Variants in CTBP2 observed in about 807,000 individuals in gnomAD.
CTBP2 encodes C-terminal-binding protein 2.
In CTBP2, 30 loss-of-function variants were observed where a neutral mutation model predicts 80.3. The ratio of observed to expected loss-of-function variants is 0.37; its 90% CI spans 0.28 to 0.51. The LOEUF is 0.51. CTBP2 is among the 20% of genes least tolerant of loss of function. The probability of loss-of-function intolerance (pLI) is 0.93; values close to 1 mark genes in which losing one functional copy is unlikely to be tolerated. For synonymous variants in CTBP2, 594 were observed against 587.4 expected, an observed-to-expected ratio of 1.01 and a Z score of -0.16; for missense variants, 1,212 against 1,375.3, an observed-to-expected ratio of 0.88 and a Z score of 1.88.
At chr10:125,131,900 T>C (rs1327290344) in intron 1 of CTBP2, among the ~76,000 whole-genome samples, 2 of 152,204 alleles carry the variant, frequency 1.3e-5, no homozygotes. Context: ...ATGTGGGAAC[T>C]ATCATGGAGC....
intron 1 of CTBP2, among the ~76,000 whole-genome samples, chr10:125,021,021 C>T (rs377248443): frequency 3.9e-5 from 6 of 152,180 alleles, no homozygotes; most frequent in African/African-American, 7.2e-5. Context: ...CTAGTTGTCC[C>T]GGCATGGCTC....
At position 124,986,048 on chromosome 10, in the gene CTBP2, T is replaced by C. The variant is rs1267138057; in HGVS notation, c.*3470A>G. The C allele has an allele frequency of 6.6e-6, 1 of 152,618 alleles. No individual in the cohort carries two copies. Among genetic ancestry groups the C allele is most frequent in the Non-Finnish European group, 1.5e-5 (1 of 68,042 alleles). The allele number at this position is 152,618 out of a possible 1,614,324, so 9.5% of individuals were successfully genotyped here. On this transcript the variant is annotated 3_prime_UTR_variant, in exon 9 of 9. Transcript: ENST00000309035. ...ATGAAGAATTTCTCAGTGTTTAGTC[T>C]GAGAATTTTTGCATGTTGGTTAATT...
At chr10:125,152,271 G>A (rs941882729) in intron 1 of CTBP2, among the ~76,000 whole-genome samples, 2 of 152,208 alleles carry the variant, frequency 1.3e-5, no homozygotes, top group African/African-American at 2.4e-5. Flanking sequence ...CAGGAGGCCC[G>A]TCCTTGCAGC....
intron 1 of CTBP2, among the ~76,000 whole-genome samples, chr10:125,121,958 A>C (rs1369497149): frequency 6.6e-6 from 1 of 152,204 alleles, no homozygotes; most frequent in Non-Finnish European, 1.5e-5. Flanking sequence ...GATGGGAGAG[A>C]AAAGCCAAAC....
At chr10:125,090,437 T>C (rs1326812704) in intron 2 of CTBP2, among the ~76,000 whole-genome samples, 1 of 147,172 alleles carries the variant, frequency 6.8e-6, no homozygotes, top group Non-Finnish European at 1.5e-5. Context: ...AGAAAAAATA[T>C]GGAATAATAA....
chr10:125,109,782 C>G (rs1852008969), intron 2 of CTBP2, among the ~76,000 whole-genome samples: 1 of 152,220 alleles, frequency 6.6e-6, no homozygotes, highest in Admixed American at 6.5e-5. Context: ...GGGGAGGGTC[C>G]TGGGTACCAG....
chr10:125,008,255 C>A (rs1214904021), intron 1 of CTBP2, among the ~76,000 whole-genome samples: 3 of 152,176 alleles, frequency 2.0e-5, no homozygotes, highest in African/African-American at 7.2e-5. Flanking sequence ...CCGGCTCTGG[C>A]CTCTTTTTTT....
intron 1 of CTBP2, among the ~76,000 whole-genome samples, chr10:125,125,724 G>A (rs1564980602): frequency 6.6e-6 from 1 of 152,216 alleles, no homozygotes; most frequent in Non-Finnish European, 1.5e-5. Flanking sequence ...GGACGCGAAT[G>A]TTTCCTAACT....
intron 1 of CTBP2, chr10:125,005,470 C>A: frequency 7.0e-7 from 1 of 1,426,990 alleles, no homozygotes; most frequent in South Asian, 1.3e-5. Flanking sequence ...ACTCCAACAT[C>A]CTTCTGCACC....
At chr10:125,114,526 CG>C (rs1852875374) in intron 1 of CTBP2, among the ~76,000 whole-genome samples, 1 of 151,952 alleles carries the variant, frequency 6.6e-6, no homozygotes, top group African/African-American at 2.4e-5. Context: ...CCTACCCCAC[CG>C]CCACTGCTTG....
intron 2 of CTBP2, among the ~76,000 whole-genome samples, chr10:125,050,434 G>A (rs992269653): frequency 1.3e-5 from 2 of 152,202 alleles, no homozygotes; most frequent in Admixed American, 6.5e-5. Flanking sequence ...TGCTTAACAC[G>A]GTTTTCACGT....
intron 4 of CTBP2, chr10:124,997,683 C>T (rs1043673792): frequency 7.3e-5 from 37 of 505,736 alleles, no homozygotes; most frequent in African/African-American, 4.2e-4. Context: ...CTGGGCACAG[C>T]GCCTTGCCCG....
intron 2 of CTBP2, 48 bp downstream of exon 4, chr10:125,003,290 A>G: frequency 7.5e-6 from 12 of 1,593,916 alleles, no homozygotes; most frequent in Non-Finnish European, 1.0e-5. Context: ...GCTGGGGAGG[A>G]AACTGCCCAA....
intron 2 of CTBP2, among the ~76,000 whole-genome samples, chr10:125,046,777 C>T (rs1961362474): frequency 6.6e-6 from 1 of 152,188 alleles, no homozygotes; most frequent in South Asian, 2.1e-4. Context: ...TGGGCTGCCA[C>T]ACAGAAGGAG....
intron 2 of CTBP2, among the ~76,000 whole-genome samples, chr10:125,067,162 A>T (rs12573411): frequency 0.059 from 8,969 of 152,258 alleles, 554 homozygotes; most frequent in East Asian, 0.29. Context: ...CCCATAACCC[A>T]GCCCAGGAAT....
intron 2 of CTBP2, among the ~76,000 whole-genome samples, chr10:125,079,030 C>T (rs1474131698): frequency 6.6e-6 from 1 of 151,036 alleles, no homozygotes; most frequent in Non-Finnish European, 1.5e-5. Flanking sequence ...GCCTGTAATG[C>T]CAGCTACTCG....
At chr10:124,994,071 C>G in intron 5 of CTBP2, 86 bp from the exon 8 acceptor site, 1 of 1,559,994 alleles carries the variant, frequency 6.4e-7, no homozygotes. Context: ...AAGCTGCAAG[C>G]TAGTTTTGTT....
At chr10:125,018,534 C>T (rs2134526552) in intron 1 of CTBP2, among the ~76,000 whole-genome samples, 1 of 134,460 alleles carries the variant, frequency 7.4e-6, no homozygotes, top group South Asian at 2.4e-4. Context: ...AAAAAAGCAC[C>T]AGACCAAACC....
Position 125,018,803 on chromosome 10 carries a change from C to T in CTBP2, c.1678+7279G>A, listed in dbSNP as rs181761512. 2.9e-4 allele frequency among the ~76,000 whole-genome samples: 44 copies of T among 152,336 alleles called. No individual in the cohort carries two copies. In the East Asian group the frequency reaches 8.5e-3, roughly 29 times the overall value. On this transcript the variant is annotated intron_variant, in intron 1 of 8. Coordinates refer to ENST00000309035, the MANE Select transcript of CTBP2 (RefSeq NM_022802.3). ...GCTCCCCGCCAACGCCACTGGCATC[C>T]CACACAACTGCATTGGGGGACCAGG...
Sources: allele counts gnomAD v4.1 joint callset (sites outside exome capture counted in the v4.1 genomes callset), GRCh38; gene constraint gnomAD v4.1.1; transcripts MANE v1.5; gene names NCBI Gene and HGNC (gene_info 2026-07-23, HGNC 2026-07-21).